Variants in SHC3 observed in about 807,000 individuals in gnomAD.
SHC3 encodes the protein SHC-transforming protein 3.
Under a neutral mutation model 60.4 loss-of-function variants are expected in SHC3, and 15 were observed. The ratio of observed to expected loss-of-function variants is 0.25; its 90% CI spans 0.17 to 0.38. The LOEUF is 0.38. SHC3 is among the 10% of genes least tolerant of loss of function. SHC3 has a pLI of 1.00. For synonymous variants in SHC3, 294 were observed against 325.9 expected (o/e 0.90, Z 1.05); for missense variants, 677 against 786.1 (o/e 0.86, Z 1.66).
intron 1 of SHC3, among the ~76,000 whole-genome samples, chr9:89,161,502 G>T (rs985601415): frequency 4.6e-5 from 7 of 152,258 alleles, no homozygotes; most frequent in Non-Finnish European, 1.0e-4. Flanking sequence ...GCGAGAATGG[G>T]CTAATACATC....
chr9:89,153,102 G>GCTC (rs1826566702), intron 1 of SHC3, among the ~76,000 whole-genome samples: 1 of 152,078 alleles, frequency 6.6e-6, no homozygotes, highest in Non-Finnish European at 1.5e-5. Context: ...GATTATTTAA[G>GCTC]GTTTTGTGGT....
Position 89,071,227 on chromosome 9 carries a change from G to A in SHC3, c.755C>T (p.Ser252Phe). 6.2e-7 allele frequency: 1 copy of A among 1,614,110 alleles called. No individual in the cohort carries two copies. Among genetic ancestry groups the A allele is most frequent in the East Asian group, 2.2e-5 (1 of 44,882 alleles). The change falls in exon 5 of 12, where the codon TCC becomes TTC. Residue 252 changes from serine to phenylalanine, a missense_variant. By Grantham distance (155) the Ser-to-Phe change is radical (BLOSUM62 -2). Transcript: ENST00000375835. ...KQIIANHHMR[S>F]ISFASGGDPD... ...GTCTCCCCCAGAGGCGAAGGAGATG[G>A]ACCGCATGTGGTGATTCGCTATGAT...
rs146197401 is a variant in SHC3 at position 89,052,867 on chromosome 9, T to C, written c.836-704A>G. On this transcript the variant is annotated intron_variant, in intron 6 of 11. Transcript: ENST00000375835. Reference sequence around the variant, plus strand: ...AGTTAGGGGTGGCGGTAGGCCAAAATGAGGCCTGGTGGTAAGGCCTGGAGC... The same window carrying C: ...AGTTAGGGGTGGCGGTAGGCCAAAACGAGGCCTGGTGGTAAGGCCTGGAGC... Among the ~76,000 whole-genome samples the C allele has an allele frequency of 5.5e-3, 833 of 152,268 alleles. 7 individuals are homozygous for C. Among genetic ancestry groups the C allele is most frequent in the African/African-American group, 0.019 (794 of 41,558 alleles).
At chr9:89,025,815 A>T (rs927963158) in intron 11 of SHC3, among the ~76,000 whole-genome samples, 9 of 152,370 alleles carry the variant, frequency 5.9e-5, no homozygotes, top group Middle Eastern at 3.4e-3. Context: ...TGTCTTTGGC[A>T]TATTTTGAAA....
intron 1 of SHC3, among the ~76,000 whole-genome samples, chr9:89,124,984 C>T (rs942098311): frequency 6.6e-6 from 1 of 152,062 alleles, no homozygotes; most frequent in African/African-American, 2.4e-5. Context: ...CATTCAAAGA[C>T]CTTAGAATTT....
chr9:89,027,867 C>T (rs1377014135), intron 11 of SHC3, among the ~76,000 whole-genome samples: 1 of 152,214 alleles, frequency 6.6e-6, no homozygotes, highest in South Asian at 2.1e-4. Context: ...GGAGAGGGAC[C>T]CTTGCAACAG....
At chr9:89,051,904 C>A in intron 7 of SHC3, 133 bp downstream of exon 7, 3 of 1,301,250 alleles carry the variant, frequency 2.3e-6, no homozygotes, top group Non-Finnish European at 3.2e-6. Context: ...CAGCACCGAC[C>A]AGGTGTCTCT....
intron 6 of SHC3, among the ~76,000 whole-genome samples, chr9:89,063,884 G>A (rs1825132223): frequency 1.3e-5 from 2 of 152,220 alleles, no homozygotes; most frequent in Non-Finnish European, 1.5e-5. Flanking sequence ...CAAACAAAGG[G>A]CCTGTCTTAA....
chr9:89,053,641 G>A (rs772152522), intron 6 of SHC3, among the ~76,000 whole-genome samples: 7 of 152,206 alleles, frequency 4.6e-5, no homozygotes, highest in Non-Finnish European at 1.0e-4. Context: ...CCTTGGATAC[G>A]GCAGTGTTAT....
chr9:89,081,772 G>C (rs1193991828), intron 2 of SHC3, among the ~76,000 whole-genome samples: 8 of 152,078 alleles, frequency 5.3e-5, no homozygotes, highest in Non-Finnish European at 8.8e-5. Flanking sequence ...AACATGTCCA[G>C]GCCCAGCAGA....
chr9:89,168,341 G>A (rs570825264), intron 1 of SHC3, among the ~76,000 whole-genome samples: 236 of 152,034 alleles, frequency 1.6e-3, no homozygotes, highest in African/African-American at 5.4e-3. Flanking sequence ...GATGCATGCC[G>A]GTAATCCCAG....
intron 2 of SHC3, among the ~76,000 whole-genome samples, chr9:89,087,026 C>T (rs1051784120): frequency 9.2e-5 from 14 of 152,114 alleles, no homozygotes; most frequent in African/African-American, 3.4e-4. Flanking sequence ...TCCTCACTAC[C>T]GTGGGTTCCA....
In SHC3 at chr9:89,135,172, C is replaced by T. The variant is rs1960749; in HGVS notation, c.475-22546G>A. Among the ~76,000 whole-genome samples the T allele has an allele frequency of 0.047, 7,116 of 152,158 alleles. 1,008 individuals are homozygous for T. The East Asian group carries it at 0.47, about 10-fold the overall frequency. ...TATTTTACCAAGGCTTTGACTCAAA[C>T]GGTGTGCTTTCCTCTACGAAATCAA... On this transcript the variant is annotated intron_variant, in intron 1 of 11. Coordinates refer to ENST00000375835, the MANE Select transcript of SHC3 (RefSeq NM_016848.6).
At chr9:89,093,345 G>A (rs868202725) in intron 2 of SHC3, among the ~76,000 whole-genome samples, 1 of 152,180 alleles carries the variant, frequency 6.6e-6, no homozygotes, top group East Asian at 1.9e-4. Flanking sequence ...AGGTCCTCAG[G>A]GAGATTTGGA....
In SHC3 at chr9:89,051,173, T is replaced by A. The variant is rs189498221; in HGVS notation, c.962+864A>T. Among the ~76,000 whole-genome samples, 120 of 152,302 alleles carry A rather than the reference T, an allele frequency of 7.9e-4. 1 individual carries two copies. The highest frequency in any genetic ancestry group is 3.4e-3 in the Middle Eastern group (1 of 294). On this transcript the variant is annotated intron_variant, in intron 7 of 11. Coordinates refer to ENST00000375835, the MANE Select transcript of SHC3 (RefSeq NM_016848.6). Reference sequence around the variant, plus strand: ...ACTCTAGAACTAAGGCATAGAAGAATGTGGCTTTAGAAGTTTGAAAAAAGT... The same window carrying A: ...ACTCTAGAACTAAGGCATAGAAGAAAGTGGCTTTAGAAGTTTGAAAAAAGT...
At chr9:89,132,962 G>C (rs1035578680) in intron 1 of SHC3, among the ~76,000 whole-genome samples, 2 of 152,168 alleles carry the variant, frequency 1.3e-5, no homozygotes, top group Non-Finnish European at 2.9e-5. Flanking sequence ...TACCATCAGA[G>C]TGAACAGGCA....
chr9:89,098,766 G>A (rs956284300), intron 2 of SHC3, among the ~76,000 whole-genome samples: 3 of 151,878 alleles, frequency 2.0e-5, no homozygotes, highest in Admixed American at 6.6e-5. Flanking sequence ...AGCTGAGATT[G>A]CGCCACTGCA....
At chr9:89,084,070 C>T (rs1825488893) in intron 2 of SHC3, among the ~76,000 whole-genome samples, 1 of 152,160 alleles carries the variant, frequency 6.6e-6, no homozygotes, top group African/African-American at 2.4e-5. Context: ...ATACCATAAA[C>T]CTGATTTTTT....
chr9:89,164,176 CCAT>C (rs1378008538), intron 1 of SHC3, among the ~76,000 whole-genome samples: 1 of 152,084 alleles, frequency 6.6e-6, no homozygotes, highest in African/African-American at 2.4e-5. Flanking sequence ...GAGAGTGGGA[CCAT>C]TCATCCAATT....
Sources: gnomAD v4.1 joint callset for allele counts (sites outside exome capture counted in the v4.1 genomes callset) on GRCh38, gnomAD v4.1.1 for gene constraint, MANE v1.5 for transcripts, NCBI Gene and HGNC (gene_info 2026-07-23, HGNC 2026-07-21) for gene names.